Variants in TUBAL3 observed in about 807,000 individuals in gnomAD.
TUBAL3 encodes the protein tubulin alpha chain-like 3.
In TUBAL3, 16 loss-of-function variants were observed where a neutral mutation model predicts 15.5. The observed-to-expected ratio is 1.04, with a 90% CI of 0.70 to 1.57. The LOEUF (loss-of-function observed/expected upper bound fraction) is 1.57. Ranked by LOEUF, TUBAL3 falls within the 40% of genes most tolerant of loss-of-function variation. The pLI, the probability that TUBAL3 is intolerant of heterozygous loss-of-function variation, is 0.00. For synonymous variants in TUBAL3, 238 were observed against 224.3 expected (o/e 1.06, Z -0.55); for missense variants, 609 against 576.2 (o/e 1.06, Z -0.58).
In TUBAL3 at chr10:5,394,133, A is replaced by T; in HGVS notation, c.725T>A (p.Val242Glu). 1 of 1,614,218 alleles carries T rather than the reference A, an allele frequency of 6.2e-7. No individual in the cohort carries two copies. The highest frequency in any genetic ancestry group is 8.5e-7 in the Non-Finnish European group (1 of 1,180,044). ...CCGGAGGGAGGCAGTGATGGAAGAT[A>T]CCACCTGAACCACCAATCTATTGAT... ...ASINRLVVQV[V>E]SSITASLRFE... The change falls in exon 4 of 4, where the codon GTA becomes GAA. Residue 242 changes from valine (V) to glutamate (E), a missense_variant. By Grantham distance (121) the Val-to-Glu change is moderately radical (BLOSUM62 -2). Transcript: ENST00000380419. The surrounding 1 kb of genome is among the most constrained non-coding windows in gnomAD (Gnocchi z 4.3).
Position 5,395,973 on chromosome 10 carries a change from T to G in TUBAL3, c.248-498A>C, listed in dbSNP as rs1831758571. On this transcript the variant is annotated intron_variant, in intron 2 of 3. Transcript: ENST00000380419. The surrounding 1 kb of genome is among the most constrained non-coding windows in gnomAD (Gnocchi z 4.6). The stretch of plus-strand genomic sequence containing the variant: ...TTTTCCCCTGTATGTGTGTCTGTGC[T>G]CTCTCCTCTGATAAGGACACAATTC... Among the ~76,000 whole-genome samples, 1 of 152,124 alleles carries G rather than the reference T, an allele frequency of 6.6e-6. No individual in the cohort carries two copies. Among genetic ancestry groups the G allele is most frequent in the South Asian group, 2.1e-4 (1 of 4,820 alleles).
chr10:5,400,718 C>T (rs936587283), intron 2 of TUBAL3, 126 bp downstream of exon 2: 4 of 1,190,980 alleles, frequency 3.4e-6, no homozygotes, highest in Non-Finnish European at 4.8e-6. Flanking sequence ...CTGAGTAAGC[C>T]TCTACATTTG....
At position 5,404,077 on chromosome 10, in the gene TUBAL3, T is replaced by A. The variant is rs182418700; in HGVS notation, c.3+713A>T. 6.2e-3 allele frequency among the ~76,000 whole-genome samples: 946 copies of A among 152,340 alleles called. 14 individuals are homozygous for A. Among genetic ancestry groups the A allele is most frequent in the African/African-American group, 0.022 (899 of 41,566 alleles). ...AGAACATGCTATTATCACAAGTCTC[T>A]CTCATGTTGAAAGGCATAATTTTTA... On this transcript the variant is annotated intron_variant, in intron 1 of 3. Coordinates refer to ENST00000380419, the MANE Select transcript of TUBAL3 (RefSeq NM_024803.3).
At position 5,393,281 on chromosome 10, in the gene TUBAL3, A is replaced by T; in HGVS notation, c.*236T>A. ...ACCTAGAAGTGACTCAGCAGTTCAA[A>T]GGACTCTAAGCTTCCAAAGGCTCCC... On this transcript the variant is annotated 3_prime_UTR_variant, in exon 4 of 4. Transcript: ENST00000380419. 2.3e-6 allele frequency: 1 copy of T among 438,088 alleles called. No homozygotes were observed. Among genetic ancestry groups the T allele is most frequent in the Non-Finnish European group, 4.0e-6 (1 of 249,446 alleles). 27.1% of individuals were successfully genotyped at this position (438,088 alleles called of 1,614,324 possible). A position where few individuals can be genotyped will look rare whatever the true frequency, so the allele number is the denominator to read the frequency against.
intron 1 of TUBAL3, among the ~76,000 whole-genome samples, chr10:5,403,349 A>C (rs1831883957): frequency 1.3e-5 from 2 of 152,204 alleles, no homozygotes; most frequent in Admixed American, 1.3e-4. Flanking sequence ...AATTTAAGTT[A>C]ACATTTTAAA....
In TUBAL3 at chr10:5,400,880, T is replaced by C; in HGVS notation, c.211A>G (p.Arg71Gly). 1 of 1,614,236 alleles carries C rather than the reference T, an allele frequency of 6.2e-7. No homozygotes were observed. The highest frequency in any genetic ancestry group is 8.5e-7 in the Non-Finnish European group (1 of 1,180,030). Reference protein sequence around the residue: ...CETRAGKHVPRALFVDLEPTV... With the variant: ...CETRAGKHVPGALFVDLEPTV... ...GGCTCCAAGTCCACGAAGAGTGCTC[T>C]AGGCACATGCTTCCCAGCTCTTGTC... Residue 71 changes from arginine (R) to glycine (G), a missense_variant, in exon 2 of 4, where the codon AGA becomes GGA. Transcript: ENST00000380419.
Position 5,404,786 on chromosome 10 carries a change from T to G in TUBAL3, c.3+4A>C. The G allele has an allele frequency of 6.2e-7, 1 of 1,613,710 alleles. No homozygotes were observed. The highest frequency in any genetic ancestry group is 1.1e-5 in the South Asian group (1 of 91,020). On this transcript the variant is annotated splice_donor_region_variant and intron_variant, in intron 1 of 3. Transcript: ENST00000380419. Reference sequence around the variant, plus strand: ...CAACAATGCATAGGCGTGTAGTCACTTACCATGCTGATGAGAACGTGCCCT... The same window carrying G: ...CAACAATGCATAGGCGTGTAGTCACGTACCATGCTGATGAGAACGTGCCCT...
intron 1 of TUBAL3, 150 bp from the exon 2 acceptor site, chr10:5,401,237 G>A: frequency 1.0e-6 from 1 of 954,732 alleles, no homozygotes; most frequent in Non-Finnish European, 1.5e-6. Context: ...GCGTTTCATG[G>A]AAACCAAGAC....
chr10:5,395,578 T>G lies in TUBAL3; in HGVS notation c.248-103A>C. ...CCTCCCCGTACTTGACTCCCATGCT[T>G]TCTCTCAATATTGTGGTCCAGGAAT... On this transcript the variant is annotated intron_variant, in intron 2 of 3. Coordinates refer to ENST00000380419, the MANE Select transcript of TUBAL3 (RefSeq NM_024803.3). This position sits in a 1 kb window ranked among gnomAD's most constrained non-coding sequence, Gnocchi z 4.6. 1 of 1,233,588 alleles carries G rather than the reference T, an allele frequency of 8.1e-7. No individual in the cohort carries two copies. Among genetic ancestry groups the G allele is most frequent in the Non-Finnish European group, 1.1e-6 (1 of 935,634 alleles). 76.4% of individuals were successfully genotyped at this position (1,233,588 alleles called of 1,614,324 possible).
In TUBAL3 at chr10:5,394,487, A is replaced by G. The variant is rs376986720; in HGVS notation, c.397-26T>C. 2 of 1,549,776 alleles carry G rather than the reference A, an allele frequency of 1.3e-6. No individual in the cohort carries two copies. Among genetic ancestry groups the G allele is most frequent in the African/African-American group, 2.7e-5 (2 of 72,756 alleles). On this transcript the variant is annotated intron_variant, in intron 3 of 3. Transcript: ENST00000380419. This position sits in a 1 kb window ranked among gnomAD's most constrained non-coding sequence, Gnocchi z 4.3. ...CTGGAGAAAGTAAATGAGATGTGAG[A>G]ATTCAGCTGAATAAATCCAGAAGCA...
Position 5,396,895 on chromosome 10 carries a change from A to C in TUBAL3, c.248-1420T>G, listed in dbSNP as rs971474292. 2.6e-5 allele frequency among the ~76,000 whole-genome samples: 4 copies of C among 152,222 alleles called. No individual in the cohort carries two copies. The highest frequency in any genetic ancestry group is 5.9e-5 in the Non-Finnish European group (4 of 68,036). ...TAGTTAAATGCATGTTTCAAGAATC[A>C]GTTTCCTGGGTTCCTATCTTGCCTT... On this transcript the variant is annotated intron_variant, in intron 2 of 3. Transcript: ENST00000380419. The surrounding 1 kb of genome is among the most constrained non-coding windows in gnomAD (Gnocchi z 5.1).
At chr10:5,404,747 A>C in intron 1 of TUBAL3, 43 bp downstream of exon 1, 2 of 1,608,838 alleles carry the variant, frequency 1.2e-6, no homozygotes, top group South Asian at 1.1e-5. Context: ...AAATATGATT[A>C]GTAAAATTTC....
At position 5,397,239 on chromosome 10, in the gene TUBAL3, G is replaced by A. The variant is rs1333112027; in HGVS notation, c.248-1764C>T. ...TCAATTCACCGTGCCTTCCGTGCGT[G>A]ACCATGAATTTCTAAACTCCAATTT... On this transcript the variant is annotated intron_variant, in intron 2 of 3. Coordinates refer to ENST00000380419, the MANE Select transcript of TUBAL3 (RefSeq NM_024803.3). The surrounding 1 kb of genome is among the most constrained non-coding windows in gnomAD (Gnocchi z 4.9). Among the ~76,000 whole-genome samples the A allele has an allele frequency of 2.0e-5, 3 of 152,166 alleles. No individual in the cohort carries two copies. Among genetic ancestry groups the A allele is most frequent in the Non-Finnish European group, 4.4e-5 (3 of 68,036 alleles).
Position 5,395,037 on chromosome 10 carries a change from A to G in TUBAL3, c.396+290T>C, listed in dbSNP as rs1323954129. Reference sequence around the variant, plus strand: ...ACTCTTGGAAAGTGACAGGTTTTAGAGTGCTATGGGAGTCTCTCGTAACAA... The same window carrying G: ...ACTCTTGGAAAGTGACAGGTTTTAGGGTGCTATGGGAGTCTCTCGTAACAA... On this transcript the variant is annotated intron_variant, in intron 3 of 3. Coordinates refer to ENST00000380419, the MANE Select transcript of TUBAL3 (RefSeq NM_024803.3). The surrounding 1 kb of genome is among the most constrained non-coding windows in gnomAD (Gnocchi z 4.6). Among the ~76,000 whole-genome samples the G allele has an allele frequency of 2.6e-5, 4 of 152,184 alleles. No individual in the cohort carries two copies. Among genetic ancestry groups the G allele is most frequent in the African/African-American group, 7.2e-5 (3 of 41,444 alleles).
At chr10:5,401,469 T>C (rs1055299868) in intron 1 of TUBAL3, among the ~76,000 whole-genome samples, 3 of 152,144 alleles carry the variant, frequency 2.0e-5, no homozygotes, top group Non-Finnish European at 2.9e-5. Flanking sequence ...TAGTTATATA[T>C]ATCAAGTGGG....
Position 5,394,093 on chromosome 10 carries a change from C to T in TUBAL3, c.765G>A (p.Leu255=), listed in dbSNP as rs1167934852. ...TCTGGAATTCAATTAGGTCTACATT[C>T]AAGGGCCCTTCAAACCGGAGGGAGG... The part of the protein sequence containing the change: ...ITASLRFEGP[L]NVDLIEFQTN... The change falls in exon 4 of 4, where the codon TTG becomes TTA. Residue 255 remains leucine, a synonymous_variant. Transcript: ENST00000380419. The surrounding 1 kb of genome is among the most constrained non-coding windows in gnomAD (Gnocchi z 4.3). 6 of 1,614,194 alleles carry T rather than the reference C, an allele frequency of 3.7e-6. No homozygotes were observed. The highest frequency in any genetic ancestry group is 5.1e-6 in the Non-Finnish European group (6 of 1,180,042).
Position 5,401,048 on chromosome 10 carries a change from G to C in TUBAL3, c.43C>G (p.Gln15Glu). ...LSIHIGQAGI[Q>E]IGDACWELYC... ...AGTTCCCAGCAGGCGTCCCCAATCT[G>C]GATGCCAGCTTGACCGATGTGGATG... Residue 15 changes from glutamine (Q) to glutamate (E), a missense_variant, in exon 2 of 4, where the codon CAG (glutamine) becomes GAG (glutamate). By Grantham distance (29) the Gln-to-Glu change is conservative. Coordinates refer to ENST00000380419, the MANE Select transcript of TUBAL3 (RefSeq NM_024803.3). The C allele has an allele frequency of 6.2e-7, 1 of 1,614,146 alleles. No homozygotes were observed. The highest frequency in any genetic ancestry group is 8.5e-7 in the Non-Finnish European group (1 of 1,180,028).
At position 5,401,066 on chromosome 10, in the gene TUBAL3, T is replaced by C. The variant is rs140117932; in HGVS notation, c.25A>G (p.Ile9Val). MRECLSIH[I>V]GQAGIQIGDA... The stretch of plus-strand genomic sequence containing the variant: ...CCAATCTGGATGCCAGCTTGACCGA[T>C]GTGGATGGAAAGGCACTCCCTCTAA... Residue 9 changes from isoleucine (I) to valine (V), a missense_variant, in exon 2 of 4, where the codon ATC becomes GTC. Ile to Val is a conservative substitution (Grantham distance 29, BLOSUM62 3). Transcript: ENST00000380419. The C allele has an allele frequency of 1.2e-5, 19 of 1,614,012 alleles. No homozygotes were observed. The Middle Eastern group carries it at 4.9e-4, about 42-fold the overall frequency.
Position 5,396,370 on chromosome 10 carries a change from A to G in TUBAL3, c.248-895T>C, listed in dbSNP as rs1417126414. On this transcript the variant is annotated intron_variant, in intron 2 of 3. Coordinates refer to ENST00000380419, the MANE Select transcript of TUBAL3 (RefSeq NM_024803.3). The surrounding 1 kb of genome is among the most constrained non-coding windows in gnomAD (Gnocchi z 5.1). The stretch of plus-strand genomic sequence containing the variant: ...TAAAAGTACAGAAAATTAGCCAGGC[A>G]TGGTGGTGGGTGCCTGTAATCCCAG... Among the ~76,000 whole-genome samples the G allele has an allele frequency of 1.3e-5, 2 of 152,012 alleles. No homozygotes were observed. The highest frequency in any genetic ancestry group is 3.9e-4 in the East Asian group (2 of 5,174).
Sources: allele counts gnomAD v4.1 joint callset (sites outside exome capture counted in the v4.1 genomes callset), GRCh38; gene constraint gnomAD v4.1.1; non-coding constraint Gnocchi (gnomAD v3.1); transcripts MANE v1.5; gene names NCBI Gene and HGNC (gene_info 2026-07-23, HGNC 2026-07-21).